Variants in MACC1 observed in about 807,000 individuals in gnomAD.
MACC1 encodes the protein MET transcriptional regulator MACC1.
MACC1 carries 79 observed loss-of-function variants against 70.7 expected under a neutral mutation model. That is an observed-to-expected ratio of 1.12 (90% CI 0.93 to 1.35). The LOEUF is 1.35. Ranked by LOEUF, MACC1 falls within the 40% of genes most tolerant of loss-of-function variation. MACC1 has a pLI of 0.00. For synonymous variants in MACC1, 361 were observed against 347.2 expected, an observed-to-expected ratio of 1.04 and a Z score of -0.44; for missense variants, 1,106 against 978.1, an observed-to-expected ratio of 1.13 and a Z score of -1.74.
chr7:20,213,842 A>G (rs1783031884), intron 1 of MACC1, among the ~76,000 whole-genome samples: 1 of 152,164 alleles, frequency 6.6e-6, no homozygotes, highest in African/African-American at 2.4e-5. Context: ...AATCTGTACA[A>G]CGAAGCCCCA....
At chr7:20,201,408 G>C (rs919662593) in intron 1 of MACC1, among the ~76,000 whole-genome samples, 1 of 152,112 alleles carries the variant, frequency 6.6e-6, no homozygotes, top group Non-Finnish European at 1.5e-5. Context: ...AGCAGAACTC[G>C]TTCAGAAAGC....
chr7:20,158,578 T>C lies in MACC1; in HGVS notation c.1783A>G (p.Lys595Glu), dbSNP rs1382173475. The C allele has an allele frequency of 5.0e-6, 8 of 1,613,918 alleles. No individual in the cohort carries two copies. Among genetic ancestry groups the C allele is most frequent in the Middle Eastern group, 1.6e-4 (1 of 6,084 alleles). Residue 595 changes from lysine (K) to glutamate (E), a missense_variant, in exon 5 of 7, where the codon AAA (lysine) becomes GAA (glutamate). Lys to Glu is a moderately conservative substitution (Grantham distance 56). Transcript: ENST00000400331. ...KVKAIGQSKVKEWYVGVLRGK... is the reference protein window; with the variant it reads ...KVKAIGQSKVEEWYVGVLRGK... The stretch of plus-strand genomic sequence containing the variant: ...CTGAGGACTCCTACATACCATTCTT[T>C]CACTTTGGACTGACCAATAGCTTTT...
chr7:20,166,727 C>A (rs1782225775), intron 2 of MACC1, among the ~76,000 whole-genome samples: 1 of 152,198 alleles, frequency 6.6e-6, no homozygotes, highest in Admixed American at 6.5e-5. Context: ...ATGATACCTC[C>A]AACCCTGGGA....
intron 1 of MACC1, among the ~76,000 whole-genome samples, chr7:20,185,813 C>G (rs114113220): frequency 0.016 from 2,460 of 152,304 alleles, 89 homozygotes; most frequent in African/African-American, 0.056. Context: ...CTAACCCTCA[C>G]AGTAATGCTG....
At chr7:20,172,415 T>C (rs1782322531) in intron 1 of MACC1, among the ~76,000 whole-genome samples, 1 of 152,222 alleles carries the variant, frequency 6.6e-6, no homozygotes. Flanking sequence ...CTCTTTTCTA[T>C]CTGTATGGAT....
At chr7:20,173,627 C>G (rs1173705700) in intron 1 of MACC1, among the ~76,000 whole-genome samples, 1 of 152,212 alleles carries the variant, frequency 6.6e-6, no homozygotes, top group Non-Finnish European at 1.5e-5. Flanking sequence ...AGTGCGACCT[C>G]AGCCACTCAT....
At chr7:20,151,018 A>C (rs1781968081) in intron 6 of MACC1, among the ~76,000 whole-genome samples, 1 of 151,784 alleles carries the variant, frequency 6.6e-6, no homozygotes. Flanking sequence ...ATTGCACTCC[A>C]GCCTGGGTGA....
chr7:20,171,613 G>A (rs1562590800), intron 1 of MACC1, among the ~76,000 whole-genome samples: 2 of 147,452 alleles, frequency 1.4e-5, no homozygotes, highest in African/African-American at 5.0e-5. Flanking sequence ...ATGGAGTCTC[G>A]TTCTGTCGCC....
chr7:20,148,342 A>G (rs1781924565), intron 6 of MACC1, among the ~76,000 whole-genome samples: 1 of 152,208 alleles, frequency 6.6e-6, no homozygotes, highest in African/African-American at 2.4e-5. Flanking sequence ...TAACCTTGCT[A>G]TAAATCTAGG....
At chr7:20,162,000 C>T in intron 3 of MACC1, 130 bp from the exon 4 acceptor site, 1 of 573,758 alleles carries the variant, frequency 1.7e-6, no homozygotes, top group African/African-American at 1.9e-5. Context: ...AAATCTTCTA[C>T]TCCTGGTAGG....
At chr7:20,176,321 T>C (rs3114442) in intron 1 of MACC1, among the ~76,000 whole-genome samples, 47,493 of 151,824 alleles carry the variant, frequency 0.31, 8,551 homozygotes, top group East Asian at 0.83. Context: ...AGTCTATACA[T>C]GAGATAAAAT....
At position 20,158,842 on chromosome 7, in the gene MACC1, G is replaced by A. The variant is rs1782094649; in HGVS notation, c.1519C>T (p.Pro507Ser). The A allele has an allele frequency of 1.2e-6, 2 of 1,613,984 alleles. No homozygotes were observed. Among genetic ancestry groups the A allele is most frequent in the African/African-American group, 1.3e-5 (1 of 74,926 alleles). The change falls in exon 5 of 7, where the codon CCA (proline) becomes TCA (serine). Residue 507 changes from proline to serine, a missense_variant. By Grantham distance (74) the Pro-to-Ser change is moderately conservative (BLOSUM62 -1). Coordinates refer to ENST00000400331, the MANE Select transcript of MACC1 (RefSeq NM_182762.4). ...GAGAGTCTTTTTAGGTTTGGGGTTGGATCAGGAGTAGTGATAGAGAACTGT... is the reference window on the plus strand; with the variant it reads ...GAGAGTCTTTTTAGGTTTGGGGTTGAATCAGGAGTAGTGATAGAGAACTGT... The part of the protein sequence containing the change: ...VAQFSITTPD[P>S]TPNLKRLSNL...
In MACC1 at chr7:20,161,778, C is replaced by T; in HGVS notation, c.85G>A (p.Gly29Arg). Reference protein sequence around the residue: ...SEANLIDMEAGKLSKSCNITE... With the variant: ...SEANLIDMEARKLSKSCNITE... ...ATATTGCAACTTTTTGAGAGTTTTC[C>T]AGCTTCCATGTCAATCAAATTTGCT... The change falls in exon 4 of 7, where the codon GGA (glycine) becomes AGA (arginine). Residue 29 changes from glycine to arginine, a missense_variant. Gly to Arg is a moderately radical substitution (Grantham distance 125). Transcript: ENST00000400331. 3 of 1,611,998 alleles carry T rather than the reference C, an allele frequency of 1.9e-6. No homozygotes were observed. Among genetic ancestry groups the T allele is most frequent in the South Asian group, 2.2e-5 (2 of 90,978 alleles).
intron 1 of MACC1, among the ~76,000 whole-genome samples, chr7:20,179,331 TGG>T (rs1782464161): frequency 6.6e-6 from 1 of 152,224 alleles, no homozygotes; most frequent in Non-Finnish European, 1.5e-5. Context: ...TTAATAATTA[TGG>T]CTGTGTTAGA....
intron 6 of MACC1, among the ~76,000 whole-genome samples, chr7:20,143,549 C>A (rs1048334678): frequency 6.6e-6 from 1 of 152,124 alleles, no homozygotes; most frequent in East Asian, 1.9e-4. Flanking sequence ...CCACCACGCC[C>A]AGCTAATTTT....
chr7:20,177,051 A>G (rs911339146), intron 1 of MACC1, among the ~76,000 whole-genome samples: 1 of 152,158 alleles, frequency 6.6e-6, no homozygotes, highest in African/African-American at 2.4e-5. Context: ...AGCTATACAT[A>G]CACACCTTGT....
chr7:20,168,148 A>C lies in MACC1; in HGVS notation c.-153+2566T>G, dbSNP rs117165877. Among the ~76,000 whole-genome samples, 1,244 of 152,292 alleles carry C rather than the reference A, an allele frequency of 8.2e-3. 30 individuals carry two copies. Among genetic ancestry groups the C allele is most frequent in the Admixed American group, 0.038 (585 of 15,298 alleles). The stretch of plus-strand genomic sequence containing the variant: ...TTCATTTTACACGTGTGTGTGCATG[A>C]ACATACCCACAACACACATGCACTT... On this transcript the variant is annotated intron_variant, in intron 2 of 6. Coordinates refer to ENST00000400331, the MANE Select transcript of MACC1 (RefSeq NM_182762.4).
At chr7:20,172,881 T>C (rs779761141) in intron 1 of MACC1, among the ~76,000 whole-genome samples, 1 of 152,212 alleles carries the variant, frequency 6.6e-6, no homozygotes, top group Non-Finnish European at 1.5e-5. Flanking sequence ...GTGGGTTCCT[T>C]GTGATCAGCT....
intron 1 of MACC1, among the ~76,000 whole-genome samples, chr7:20,178,691 C>T (rs904743114): frequency 2.6e-5 from 4 of 152,162 alleles, no homozygotes; most frequent in Non-Finnish European, 2.9e-5. Context: ...CCTCTGCCTC[C>T]CGGGTTCAAG....
Sources: allele counts gnomAD v4.1 joint callset (sites outside exome capture counted in the v4.1 genomes callset), GRCh38; gene constraint gnomAD v4.1.1; transcripts MANE v1.5; gene names NCBI Gene and HGNC (gene_info 2026-07-23, HGNC 2026-07-21).